NOS1AP: variants seen among roughly 807,000 people sequenced by gnomAD.
NOS1AP encodes the protein nitric oxide synthase 1 adaptor protein, also known as carboxyl-terminal PDZ ligand of neuronal nitric oxide synthase protein.
A neutral mutation model predicts 56.2 loss-of-function variants in NOS1AP; 21 were observed. The ratio of observed to expected loss-of-function variants is 0.37; its 90% CI spans 0.26 to 0.54. The LOEUF (loss-of-function observed/expected upper bound fraction) is 0.54. Ranked by LOEUF, NOS1AP falls within the 20% of genes least tolerant of loss-of-function variation. The pLI, the probability that NOS1AP is intolerant of heterozygous loss-of-function variation, is 0.84. For synonymous variants in NOS1AP, 270 were observed against 274.6 expected (o/e 0.98, Z 0.17); for missense variants, 522 against 657.8 (o/e 0.79, Z 2.26).
chr1:162,285,322 G>T (rs10800404), intron 2 of NOS1AP, among the ~76,000 whole-genome samples: 43,921 of 152,016 alleles, frequency 0.29, 6,772 homozygotes, highest in East Asian at 0.59. Flanking sequence ...TGCAGGTGTG[G>T]TCAGGAAATG....
intron 2 of NOS1AP, among the ~76,000 whole-genome samples, chr1:162,265,295 A>G (rs1314379031): frequency 3.3e-5 from 5 of 151,108 alleles, no homozygotes; most frequent in African/African-American, 1.2e-4. Flanking sequence ...AGTTACATAT[A>G]TATACATGTG....
intron 4 of NOS1AP, among the ~76,000 whole-genome samples, chr1:162,322,420 T>C (rs78475010): frequency 0.024 from 3,646 of 152,032 alleles, 68 homozygotes; most frequent in Non-Finnish European, 0.036. Context: ...GGGAAGGAGG[T>C]GGATACTCTT....
chr1:162,341,425 A>G (rs1012841392), intron 5 of NOS1AP, among the ~76,000 whole-genome samples: 4 of 152,242 alleles, frequency 2.6e-5, no homozygotes, highest in Non-Finnish European at 5.9e-5. Flanking sequence ...AGTATGAGAT[A>G]TCTGGGTTAA....
intron 2 of NOS1AP, among the ~76,000 whole-genome samples, chr1:162,247,076 T>C (rs2101687471): frequency 6.6e-6 from 1 of 152,280 alleles, no homozygotes; most frequent in Non-Finnish European, 1.5e-5. Flanking sequence ...TGGCTTTGAA[T>C]TGGTCCTGGG....
rs543344364 is a variant in NOS1AP at position 162,173,028 on chromosome 1, C to T, written c.177+18552C>T. ...CCTTTGCTTCCCAGGCTCAAGTGAT[C>T]CTCCCACTGCACACTGCAGCCCCCT... On this transcript the variant is annotated intron_variant, in intron 2 of 9. Transcript: ENST00000361897. 2.0e-5 allele frequency among the ~76,000 whole-genome samples: 3 copies of T among 151,878 alleles called. No individual in the cohort carries two copies. The South Asian group carries it at 6.2e-4, about 32-fold the overall frequency.
intron 4 of NOS1AP, among the ~76,000 whole-genome samples, chr1:162,306,139 G>A (rs74369644): frequency 0.021 from 3,191 of 152,236 alleles, 119 homozygotes; most frequent in African/African-American, 0.072. Flanking sequence ...CCCTGGTGTG[G>A]GTTATGAGTC....
intron 1 of NOS1AP, among the ~76,000 whole-genome samples, chr1:162,121,792 G>A (rs1648250224): frequency 1.3e-5 from 2 of 152,150 alleles, no homozygotes; most frequent in African/African-American, 4.8e-5. Context: ...TATCTGGATT[G>A]TCTCAGGAAG....
At chr1:162,176,514 T>C (rs1025842184) in intron 2 of NOS1AP, among the ~76,000 whole-genome samples, 1 of 141,638 alleles carries the variant, frequency 7.1e-6, no homozygotes, top group Non-Finnish European at 1.5e-5. Context: ...TCTTTTTTTT[T>C]TTTTTTTTTT....
intron 6 of NOS1AP, among the ~76,000 whole-genome samples, chr1:162,349,753 T>C (rs1657431181): frequency 6.6e-6 from 1 of 152,204 alleles, no homozygotes; most frequent in Non-Finnish European, 1.5e-5. Flanking sequence ...GTGAGGGAGC[T>C]AGACAAGGCC....
intron 2 of NOS1AP, among the ~76,000 whole-genome samples, chr1:162,261,496 G>GGAGA (rs1553200047): frequency 0.017 from 6 of 350 alleles, 2 homozygotes; most frequent in Non-Finnish European, 0.13. Flanking sequence ...GAGAGAGAGA[G>GGAGA]AGAGAGAGAG....
intron 1 of NOS1AP, among the ~76,000 whole-genome samples, chr1:162,081,624 G>T (rs1045421873): frequency 6.8e-6 from 1 of 147,418 alleles, no homozygotes; most frequent in Non-Finnish European, 1.5e-5. Context: ...ATGACTCATT[G>T]CAGCCTTGAC....
intron 2 of NOS1AP, among the ~76,000 whole-genome samples, chr1:162,214,929 A>C (rs1018929220): frequency 1.2e-4 from 19 of 152,192 alleles, no homozygotes; most frequent in African/African-American, 3.9e-4. Context: ...ATTCTTAAAC[A>C]TTTTTTGAAA....
chr1:162,200,723 G>A (rs920691084), intron 2 of NOS1AP, among the ~76,000 whole-genome samples: 1 of 152,146 alleles, frequency 6.6e-6, no homozygotes, highest in African/African-American at 2.4e-5. Context: ...AAGATATGTT[G>A]CTGTGGTGAA....
chr1:162,088,871 G>T (rs966885036), intron 1 of NOS1AP, among the ~76,000 whole-genome samples: 1 of 152,032 alleles, frequency 6.6e-6, no homozygotes, highest in African/African-American at 2.4e-5. Flanking sequence ...CCTTCCTGTG[G>T]TAACGTCTTT....
chr1:162,323,233 C>A (rs1368815697), intron 4 of NOS1AP, among the ~76,000 whole-genome samples: 2 of 152,204 alleles, frequency 1.3e-5, no homozygotes. Flanking sequence ...TAGAGTGACG[C>A]TGCTGCAAAC....
chr1:162,171,075 T>A (rs1021788325), intron 2 of NOS1AP, among the ~76,000 whole-genome samples: 4 of 152,158 alleles, frequency 2.6e-5, no homozygotes, highest in Non-Finnish European at 5.9e-5. Context: ...GATGCCAACA[T>A]GCTGGGGAAG....
At chr1:162,314,033 T>A (rs1049438903) in intron 4 of NOS1AP, among the ~76,000 whole-genome samples, 9 of 152,206 alleles carry the variant, frequency 5.9e-5, no homozygotes, top group Non-Finnish European at 1.2e-4. Context: ...AATAAATACA[T>A]ACTTCACGAC....
chr1:162,093,057 G>C (rs1692168176), intron 1 of NOS1AP, among the ~76,000 whole-genome samples: 2 of 152,284 alleles, frequency 1.3e-5, no homozygotes, highest in South Asian at 4.1e-4. Flanking sequence ...AGGTAGGGAA[G>C]TTAAGTCTTA....
chr1:162,104,290 G>A (rs1647412958), intron 1 of NOS1AP, among the ~76,000 whole-genome samples: 1 of 152,146 alleles, frequency 6.6e-6, no homozygotes, highest in South Asian at 2.1e-4. Context: ...TTAGTCTGAT[G>A]GGCTTCCCTT....
Sources: allele counts gnomAD v4.1 joint callset (sites outside exome capture counted in the v4.1 genomes callset), GRCh38; gene constraint gnomAD v4.1.1; transcripts MANE v1.5; gene names NCBI Gene and HGNC (gene_info 2026-07-23, HGNC 2026-07-21).